Variants in GRIA4 observed in about 807,000 individuals in gnomAD.
GRIA4 encodes the protein glutamate receptor 4.
A neutral mutation model predicts 104.0 loss-of-function variants in GRIA4; 34 were observed. The observed-to-expected ratio is 0.33, with a 90% CI of 0.25 to 0.44. GRIA4 has a LOEUF of 0.44. Among genes scored for constraint, GRIA4 ranks in the 20% least tolerant of loss-of-function variants. The pLI is 1.00. For missense variants in GRIA4, 750 were observed against 1,096.5 expected (o/e 0.68, Z 4.46); for synonymous variants, 386 against 381.9 (o/e 1.01, Z -0.13).
At chr11:105,844,886 T>C (rs1441144409) in intron 4 of GRIA4, among the ~76,000 whole-genome samples, 1 of 152,218 alleles carries the variant, frequency 6.6e-6, no homozygotes, top group Non-Finnish European at 1.5e-5. Flanking sequence ...CTGCGGTTTA[T>C]AGAAGACAGT....
chr11:105,659,212 T>A (rs1951934625), intron 3 of GRIA4, among the ~76,000 whole-genome samples: 1 of 151,908 alleles, frequency 6.6e-6, no homozygotes, highest in African/African-American at 2.4e-5. Context: ...CCAGGTAAAC[T>A]TGTTCTTATT....
intron 3 of GRIA4, among the ~76,000 whole-genome samples, chr11:105,728,335 A>T (rs1938356017): frequency 1.3e-5 from 2 of 152,362 alleles, no homozygotes; most frequent in African/African-American, 2.4e-5. Context: ...TATTCTAAAT[A>T]TATATGCACC....
chr11:105,860,189 T>C (rs940804185), intron 4 of GRIA4, among the ~76,000 whole-genome samples: 2 of 152,198 alleles, frequency 1.3e-5, no homozygotes, highest in African/African-American at 2.4e-5. Context: ...ACTGCCACAG[T>C]ATTTCATTTG....
intron 6 of GRIA4, among the ~76,000 whole-genome samples, chr11:105,897,963 C>A (rs756536047): frequency 6.6e-6 from 1 of 152,080 alleles, no homozygotes; most frequent in Non-Finnish European, 1.5e-5. Context: ...TTGATGCAAT[C>A]ATATTTATCT....
At chr11:105,770,045 CT>C (rs1353787995) in intron 4 of GRIA4, among the ~76,000 whole-genome samples, 1 of 151,956 alleles carries the variant, frequency 6.6e-6, no homozygotes, top group Non-Finnish European at 1.5e-5. Flanking sequence ...CTACATTTTC[CT>C]TATGTCATAA....
intron 13 of GRIA4, among the ~76,000 whole-genome samples, chr11:105,931,509 C>T (rs903332797): frequency 6.6e-6 from 1 of 151,892 alleles, no homozygotes; most frequent in Non-Finnish European, 1.5e-5. Context: ...TCGAGACCAG[C>T]CTGGCCAACA....
At chr11:105,848,520 A>G (rs571251637) in intron 4 of GRIA4, among the ~76,000 whole-genome samples, 2 of 152,296 alleles carry the variant, frequency 1.3e-5, no homozygotes, top group African/African-American at 4.8e-5. Context: ...AATTACTGGA[A>G]TTTACATTAA....
chr11:105,614,987 T>A (rs1217488063), intron 3 of GRIA4, among the ~76,000 whole-genome samples: 1 of 151,960 alleles, frequency 6.6e-6, no homozygotes, highest in Admixed American at 6.6e-5. Flanking sequence ...ATGAAACTTA[T>A]TCCTCACCAT....
chr11:105,855,832 CTCTG>C (rs1188381850), intron 4 of GRIA4, among the ~76,000 whole-genome samples: 1 of 151,920 alleles, frequency 6.6e-6, no homozygotes, highest in Non-Finnish European at 1.5e-5. Flanking sequence ...TTTCTCAGAC[CTCTG>C]TCATAATTTA....
At chr11:105,711,046 T>A (rs1953890923) in intron 3 of GRIA4, among the ~76,000 whole-genome samples, 1 of 152,060 alleles carries the variant, frequency 6.6e-6, no homozygotes, top group South Asian at 2.1e-4. Context: ...AGGTAGTGAA[T>A]CATTGCTAAA....
intron 5 of GRIA4, among the ~76,000 whole-genome samples, chr11:105,872,049 C>T (rs1313005369): frequency 3.9e-5 from 6 of 152,060 alleles, no homozygotes; most frequent in Admixed American, 3.9e-4. Context: ...CCTTAAACAA[C>T]CTTTTAAAAC....
At chr11:105,851,718 T>G (rs1177565374) in intron 4 of GRIA4, among the ~76,000 whole-genome samples, 7 of 152,162 alleles carry the variant, frequency 4.6e-5, no homozygotes, top group African/African-American at 1.7e-4. Flanking sequence ...ATGAGTTGAG[T>G]GGCGCATACC....
chr11:105,642,011 T>C (rs1951377014), intron 3 of GRIA4, among the ~76,000 whole-genome samples: 1 of 152,178 alleles, frequency 6.6e-6, no homozygotes, highest in South Asian at 2.1e-4. Context: ...TATCTCCCTG[T>C]GTCTTAATAT....
rs71469040 is a variant in GRIA4 at position 105,888,271 on chromosome 11, C to CTTTTTTTTTTTTTTTT, written c.726+714_726+729dup. Among the ~76,000 whole-genome samples the CTTTTTTTTTTTTTTTT allele has an allele frequency of 9.2e-5, 5 of 54,574 alleles. 1 individual carries two copies. The highest frequency in any genetic ancestry group is 4.0e-4 in the African/African-American group (5 of 12,526). 35.8% of individuals were successfully genotyped at this position (54,574 alleles called of 152,430 possible). On this transcript the variant is annotated intron_variant, in intron 6 of 16. Transcript: ENST00000282499. Reference sequence around the variant, plus strand: ...TTGGAGAAGTTAAGGATGTTTTCTCCTTTTTTTTTTTTTTTTTTTTTTTTT... The same window carrying CTTTTTTTTTTTTTTTT: ...TTGGAGAAGTTAAGGATGTTTTCTCCTTTTTTTTTTTTTTTTTTTTTTTTTTTTTTTTTTTTTTTTT...
intron 14 of GRIA4, among the ~76,000 whole-genome samples, chr11:105,936,764 T>C (rs905496101): frequency 1.3e-5 from 2 of 152,170 alleles, no homozygotes; most frequent in African/African-American, 4.8e-5. Context: ...ATAAGGATCA[T>C]CTCAAACAGT....
intron 4 of GRIA4, among the ~76,000 whole-genome samples, chr11:105,827,626 A>G (rs1338814635): frequency 6.6e-6 from 1 of 152,026 alleles, no homozygotes; most frequent in Non-Finnish European, 1.5e-5. Flanking sequence ...TCTAAAAAAA[A>G]CTGTCAAAAT....
intron 14 of GRIA4, among the ~76,000 whole-genome samples, chr11:105,969,980 T>C (rs1251524772): frequency 6.6e-6 from 1 of 152,128 alleles, no homozygotes; most frequent in Non-Finnish European, 1.5e-5. Flanking sequence ...ACGTCACAAA[T>C]GGGGCTTGGG....
intron 4 of GRIA4, among the ~76,000 whole-genome samples, chr11:105,805,051 A>G (rs1317922720): frequency 6.6e-6 from 1 of 151,994 alleles, no homozygotes; most frequent in Non-Finnish European, 1.5e-5. Flanking sequence ...ATAATTTTAT[A>G]ATTTGAAACA....
At chr11:105,753,813 T>C (rs74660744) in intron 4 of GRIA4, among the ~76,000 whole-genome samples, 1 of 152,042 alleles carries the variant, frequency 6.6e-6, no homozygotes, top group Non-Finnish European at 1.5e-5. Context: ...TCCTCCTTCA[T>C]ATAAAGGATA....
Sources: allele counts gnomAD v4.1 joint callset (sites outside exome capture counted in the v4.1 genomes callset), GRCh38; gene constraint gnomAD v4.1.1; transcripts MANE v1.5; gene names NCBI Gene and HGNC (gene_info 2026-07-23, HGNC 2026-07-21).